PLCB1: variants seen among roughly 807,000 people sequenced by gnomAD.
The protein encoded by PLCB1 is 1-phosphatidylinositol 4,5-bisphosphate phosphodiesterase beta-1.
A neutral mutation model predicts 161.8 loss-of-function variants in PLCB1; 46 were observed. That is an observed-to-expected ratio of 0.28 (90% CI 0.22 to 0.36). The LOEUF (loss-of-function observed/expected upper bound fraction) is 0.36, where lower values mean the gene tolerates loss of function less well. Ranked by LOEUF, PLCB1 falls within the 10% of genes least tolerant of loss-of-function variation. The pLI is 1.00. For missense variants in PLCB1, 1,016 were observed against 1,472.5 expected, an observed-to-expected ratio of 0.69 and a Z score of 5.07; for synonymous variants, 517 against 503.7, an observed-to-expected ratio of 1.03 and a Z score of -0.35.
intron 31 of PLCB1, among the ~76,000 whole-genome samples, chr20:8,851,042 A>G (rs549003339): frequency 1.1e-4 from 17 of 152,366 alleles, no homozygotes; most frequent in Admixed American, 3.3e-4. Context: ...CTTGTTGAAC[A>G]GGATGCCAAC....
intron 27 of PLCB1, among the ~76,000 whole-genome samples, chr20:8,778,254 CA>C (rs1393952108): frequency 6.6e-6 from 1 of 152,032 alleles, no homozygotes; most frequent in Non-Finnish European, 1.5e-5. Context: ...AAACAGAAGC[CA>C]AAACATCCCA....
chr20:8,765,007 T>A (rs965464140), intron 25 of PLCB1, 132 bp from the exon 26 acceptor site: 1 of 683,138 alleles, frequency 1.5e-6, no homozygotes, highest in Admixed American at 3.0e-5. Flanking sequence ...CAGGTAGAGC[T>A]GACATCAAGC....
chr20:8,214,809 A>G (rs1021358380), intron 2 of PLCB1, among the ~76,000 whole-genome samples: 1 of 151,786 alleles, frequency 6.6e-6, no homozygotes, highest in Non-Finnish European at 1.5e-5. Flanking sequence ...GGTGTGTGCT[A>G]TTTTGCCTTC....
chr20:8,737,837 C>T (rs575955469), intron 20 of PLCB1, among the ~76,000 whole-genome samples: 2 of 152,190 alleles, frequency 1.3e-5, no homozygotes, highest in Non-Finnish European at 2.9e-5. Context: ...TATGCGGAAA[C>T]TCTCTGTGCT....
At position 8,523,841 on chromosome 20, in the gene PLCB1, C is replaced by T. The variant is rs1984476871; in HGVS notation, c.247-104453C>T. On this transcript the variant is annotated intron_variant, in intron 3 of 31. Coordinates refer to ENST00000338037, the MANE Select transcript of PLCB1 (RefSeq NM_015192.4). Reference sequence around the variant, plus strand: ...AGAGACTGTGTGCCTGAGAAATGCCCAGTGAGACACAGAGGAAGCAACTCC... The same window carrying T: ...AGAGACTGTGTGCCTGAGAAATGCCTAGTGAGACACAGAGGAAGCAACTCC... Among the ~76,000 whole-genome samples, 3 of 151,882 alleles carry T rather than the reference C, an allele frequency of 2.0e-5. No homozygotes were observed. In the South Asian group the frequency reaches 6.2e-4, roughly 32 times the overall value.
At chr20:8,846,204 G>C (rs1354455104) in intron 31 of PLCB1, among the ~76,000 whole-genome samples, 2 of 152,072 alleles carry the variant, frequency 1.3e-5, no homozygotes, top group Non-Finnish European at 2.9e-5. Flanking sequence ...AGAGAATAAA[G>C]GGGGAGGTGC....
intron 3 of PLCB1, among the ~76,000 whole-genome samples, chr20:8,504,382 A>G (rs1983543947): frequency 6.6e-6 from 1 of 152,236 alleles, no homozygotes; most frequent in African/African-American, 2.4e-5. Flanking sequence ...GGGCAGAGAC[A>G]TGCAGTGACC....
intron 3 of PLCB1, among the ~76,000 whole-genome samples, chr20:8,615,222 A>C (rs148370309): frequency 0.013 from 2,026 of 152,214 alleles, 29 homozygotes; most frequent in African/African-American, 0.041. Flanking sequence ...TCCTTAAATG[A>C]TTTTTGTTAT....
chr20:8,593,542 T>G lies in PLCB1; in HGVS notation c.247-34752T>G, dbSNP rs148204867. 7.2e-3 allele frequency among the ~76,000 whole-genome samples: 1,091 copies of G among 152,258 alleles called. 19 individuals are homozygous for G. The highest frequency in any genetic ancestry group is 0.025 in the African/African-American group (1,053 of 41,556). ...TACATTTTTGCCCACAAAATGAAAATTATAAATTTTTGAAGTCCTTAGTAT... is the reference window on the plus strand; with the variant it reads ...TACATTTTTGCCCACAAAATGAAAAGTATAAATTTTTGAAGTCCTTAGTAT... On this transcript the variant is annotated intron_variant, in intron 3 of 31. Coordinates refer to ENST00000338037, the MANE Select transcript of PLCB1 (RefSeq NM_015192.4).
intron 14 of PLCB1, among the ~76,000 whole-genome samples, chr20:8,718,477 T>C (rs1979456183): frequency 6.6e-6 from 1 of 152,212 alleles, no homozygotes; most frequent in Admixed American, 6.5e-5. Context: ...TTCCAGCTTC[T>C]AGAGGCCACC....
chr20:8,738,947 C>G (rs920215955), intron 20 of PLCB1, among the ~76,000 whole-genome samples: 6 of 152,050 alleles, frequency 3.9e-5, no homozygotes, highest in Admixed American at 3.3e-4. Flanking sequence ...GTCGGGAGTT[C>G]GAGACCAGCC....
At chr20:8,734,742 G>A (rs1980491262) in intron 19 of PLCB1, among the ~76,000 whole-genome samples, 1 of 151,910 alleles carries the variant, frequency 6.6e-6, no homozygotes, top group Non-Finnish European at 1.5e-5. Flanking sequence ...CATCGTTAAA[G>A]CTTTTCAAAA....
chr20:8,703,630 C>G (rs1462012984), intron 11 of PLCB1, among the ~76,000 whole-genome samples: 2 of 152,088 alleles, frequency 1.3e-5, no homozygotes, highest in Admixed American at 1.3e-4. Context: ...GAGTCCTAAG[C>G]CAAGCACACA....
intron 27 of PLCB1, among the ~76,000 whole-genome samples, chr20:8,776,422 TGAAG>T (rs1019961426): frequency 6.6e-6 from 1 of 152,216 alleles, no homozygotes; most frequent in African/African-American, 2.4e-5. Context: ...GTCATCATAA[TGAAG>T]GGAGTTGCTC....
Position 8,716,155 on chromosome 20 carries a change from T to G in PLCB1, c.1251-109T>G, listed in dbSNP as rs1056751156. The G allele has an allele frequency of 2.9e-5, 22 of 753,942 alleles. No individual in the cohort carries two copies. In the Admixed American group the frequency reaches 4.3e-4, roughly 15 times the overall value. The allele number at this position is 753,942 out of a possible 1,614,324, so 46.7% of individuals were successfully genotyped here. On this transcript the variant is annotated intron_variant, in intron 12 of 31. Coordinates refer to ENST00000338037, the MANE Select transcript of PLCB1 (RefSeq NM_015192.4). ...GATGATAAAAACCAATCCTGATGGG[T>G]GGGATTAGAGAATTACTTCTTTCTG...
chr20:8,206,468 C>A (rs1388860730), intron 2 of PLCB1, among the ~76,000 whole-genome samples: 1 of 152,000 alleles, frequency 6.6e-6, no homozygotes, highest in Non-Finnish European at 1.5e-5. Flanking sequence ...TCGTTGCTAC[C>A]TTTTTGAAGG....
chr20:8,736,213 C>T (rs1380071284), intron 19 of PLCB1, among the ~76,000 whole-genome samples: 2 of 152,156 alleles, frequency 1.3e-5, no homozygotes, highest in African/African-American at 2.4e-5. Context: ...TGTTTGCCTC[C>T]GCTAACCTTT....
At chr20:8,376,098 C>T (rs769894862) in intron 3 of PLCB1, among the ~76,000 whole-genome samples, 6 of 152,168 alleles carry the variant, frequency 3.9e-5, no homozygotes, top group Non-Finnish European at 8.8e-5. Context: ...ACCTCAGGGT[C>T]ACAGAGGCTC....
At chr20:8,596,070 T>C (rs1987336357) in intron 3 of PLCB1, among the ~76,000 whole-genome samples, 1 of 151,270 alleles carries the variant, frequency 6.6e-6, no homozygotes, top group African/African-American at 2.4e-5. Flanking sequence ...ACACTGATGG[T>C]AGTTTCTTTT....
Sources: gnomAD v4.1 joint callset for allele counts (sites outside exome capture counted in the v4.1 genomes callset) on GRCh38, gnomAD v4.1.1 for gene constraint, MANE v1.5 for transcripts, NCBI Gene and HGNC (gene_info 2026-07-23, HGNC 2026-07-21) for gene names.